ACTN4: variants seen among roughly 807,000 people sequenced by gnomAD.
ACTN4 encodes the protein actinin alpha 4.
ACTN4 carries 18 observed loss-of-function variants against 114.2 expected under a neutral mutation model. The ratio of observed to expected loss-of-function variants is 0.16; its 90% confidence interval spans 0.11 to 0.23. The LOEUF (loss-of-function observed/expected upper bound fraction) is 0.23. Ranked by LOEUF, ACTN4 falls within the 10% of genes least tolerant of loss-of-function variation. ACTN4 has a pLI of 1.00. For synonymous variants in ACTN4, 515 were observed against 506.3 expected, an observed-to-expected ratio of 1.02 and a Z score of -0.23; for missense variants, 722 against 1,262.9, an observed-to-expected ratio of 0.57 and a Z score of 6.49.
chr19:38,708,087 C>T (rs777409373), intron 5 of ACTN4, 30 bp from the exon 6 acceptor site: 1 of 1,612,210 alleles, frequency 6.2e-7, no homozygotes, highest in Admixed American at 1.7e-5. Flanking sequence ...TGAGCGGGCC[C>T]TCCTATAACC....
At position 38,720,750 on chromosome 19, in the gene ACTN4, C is replaced by T. The variant is rs1339174625; in HGVS notation, c.1292-788C>T. 3.9e-5 allele frequency among the ~76,000 whole-genome samples: 6 copies of T among 152,338 alleles called. No individual in the cohort carries two copies. The East Asian group carries it at 5.8e-4, about 15-fold the overall frequency. On this transcript the variant is annotated intron_variant, in intron 11 of 20. Coordinates refer to ENST00000252699, the MANE Select transcript of ACTN4 (RefSeq NM_004924.6). ...GAGAGGCCTCGGTGGCTGCACTGGG[C>T]GGGCAGCTGTCAGGTGCTGGGACAG...
At chr19:38,698,537 G>T (rs963018213) in intron 1 of ACTN4, among the ~76,000 whole-genome samples, 4 of 152,240 alleles carry the variant, frequency 2.6e-5, no homozygotes, top group Non-Finnish European at 4.4e-5. Context: ...GCGTGATGTG[G>T]TCTGCAGGGA....
Position 38,727,922 on chromosome 19 carries a change from C to T in ACTN4, c.2338-24C>T, listed in dbSNP as rs1194771738. 15 of 1,611,314 alleles carry T rather than the reference C, an allele frequency of 9.3e-6. No homozygotes were observed. Among genetic ancestry groups the T allele is most frequent in the African/African-American group, 1.3e-5 (1 of 74,886 alleles). ...GTCTCCACGCCGCCCCTCCCGCACA[C>T]CTGCCTTCGGATGGCCCCGGCAGGA... On this transcript the variant is annotated intron_variant, in intron 18 of 20. Transcript: ENST00000252699. The surrounding 1 kb of genome is among the most constrained non-coding windows in gnomAD (Gnocchi z 5.4).
chr19:38,729,079 C>T lies in ACTN4; in HGVS notation c.2502C>T (p.Phe834=), dbSNP rs763804143. The T allele has an allele frequency of 1.9e-6, 3 of 1,613,432 alleles. No homozygotes were observed. The highest frequency in any genetic ancestry group is 1.7e-5 in the Admixed American group (1 of 60,024). ...TGACCTTCCAAGCCTTCATCGACTT[C>T]ATGTCGCGGGAGACCACCGACACGG... ...GLVTFQAFID[F]MSRETTDTDT... is the part of the protein sequence containing the mutation. Residue 834 remains phenylalanine, a synonymous_variant, in exon 20 of 21, where the codon TTC becomes TTT. Transcript: ENST00000252699.
In ACTN4 at chr19:38,718,136, A is replaced by G. The variant is rs1422118953; in HGVS notation, c.1291+62A>G. On this transcript the variant is annotated intron_variant, in intron 11 of 20. Transcript: ENST00000252699. ...CTCCCGTGCTCCCCTCCTGTCTCTC[A>G]GGCATGCATGGGTGTGCACACACAG... 9 of 1,560,056 alleles carry G rather than the reference A, an allele frequency of 5.8e-6. No individual in the cohort carries two copies. The African/African-American group carries it at 9.5e-5, about 16-fold the overall frequency.
intron 8 of ACTN4, among the ~76,000 whole-genome samples, chr19:38,713,712 C>T (rs1968743813): frequency 6.6e-6 from 1 of 152,160 alleles, no homozygotes; most frequent in Admixed American, 6.5e-5. Context: ...TCTGTAGACC[C>T]TCCTCACTCT....
intron 1 of ACTN4, chr19:38,648,303 G>T: frequency 5.8e-6 from 1 of 172,666 alleles, no homozygotes; most frequent in Non-Finnish European, 1.2e-5. Context: ...AATCAGGGGA[G>T]GCTGAGAAGG....
In ACTN4 at chr19:38,703,132, C is replaced by T. The variant is rs141024404; in HGVS notation, c.398-1802C>T. 2.6e-3 allele frequency among the ~76,000 whole-genome samples: 397 copies of T among 152,204 alleles called. 2 individuals are homozygous for T. Among genetic ancestry groups the T allele is most frequent in the Admixed American group, 7.3e-3 (111 of 15,290 alleles). On this transcript the variant is annotated intron_variant, in intron 3 of 20. Transcript: ENST00000252699. ...GAGGCACTGCCTTCTCTCACCCAGC[C>T]GCAGACACACAGCTGTCCTGGGCCT...
At chr19:38,649,778 G>A (rs1004588741) in intron 1 of ACTN4, among the ~76,000 whole-genome samples, 2 of 152,170 alleles carry the variant, frequency 1.3e-5, no homozygotes, top group Admixed American at 6.5e-5. Context: ...AGGCTGGAGG[G>A]GAAAGGGTGG....
chr19:38,705,717 G>A (rs1968436637), intron 4 of ACTN4, among the ~76,000 whole-genome samples: 1 of 152,234 alleles, frequency 6.6e-6, no homozygotes, highest in Non-Finnish European at 1.5e-5. Flanking sequence ...GTGGTGAAAG[G>A]CACAGGCTTG....
In ACTN4 at chr19:38,647,849, A is replaced by G; in HGVS notation, c.104A>G (p.Glu35Gly). 1 of 1,549,518 alleles carries G rather than the reference A, an allele frequency of 6.5e-7. No homozygotes were observed. Among genetic ancestry groups the G allele is most frequent in the Admixed American group, 1.9e-5 (1 of 52,132 alleles). ...AGCATGGGCGACTACATGGCCCAGG[A>G]GGACGACTGGGACCGGGACCTGCTG... ...GGSMGDYMAQ[E>G]DDWDRDLLLD... The change falls in exon 1 of 21, where the codon GAG becomes GGG. Residue 35 changes from glutamate to glycine, a missense_variant. Physicochemically the swap from Glu to Gly is moderately conservative, Grantham distance 98. Coordinates refer to ENST00000252699, the MANE Select transcript of ACTN4 (RefSeq NM_004924.6).
intron 19 of ACTN4, chr19:38,728,302 C>T (rs1194517919): frequency 2.0e-6 from 3 of 1,521,274 alleles, no homozygotes; most frequent in South Asian, 1.2e-5. Context: ...GCTATGCCTG[C>T]GTCCTCGGAG....
intron 3 of ACTN4, among the ~76,000 whole-genome samples, chr19:38,702,396 G>A (rs754107366): frequency 6.6e-6 from 1 of 152,144 alleles, no homozygotes; most frequent in East Asian, 1.9e-4. Flanking sequence ...GGGCATTCGC[G>A]GGAGCATTGG....
intron 1 of ACTN4, among the ~76,000 whole-genome samples, chr19:38,677,358 A>G (rs1328300444): frequency 7.6e-6 from 1 of 131,930 alleles, no homozygotes; most frequent in Non-Finnish European, 1.8e-5. Flanking sequence ...GTATTGAATG[A>G]ATAGATAGCC....
At chr19:38,721,716 C>T in intron 12 of ACTN4, 28 bp downstream of exon 12, 1 of 1,608,930 alleles carries the variant, frequency 6.2e-7, no homozygotes, top group Non-Finnish European at 8.5e-7. Flanking sequence ...ACACTATCAT[C>T]ACCTGGCTCT....
chr19:38,680,418 G>T (rs1967527697), intron 1 of ACTN4, among the ~76,000 whole-genome samples: 1 of 151,968 alleles, frequency 6.6e-6, no homozygotes, highest in Non-Finnish European at 1.5e-5. Context: ...GACTGCAAGT[G>T]ATCTGGCCGC....
chr19:38,727,199 A>T lies in ACTN4; in HGVS notation c.2337+96A>T. On this transcript the variant is annotated intron_variant, in intron 18 of 20. Transcript: ENST00000252699. The surrounding 1 kb of genome is among the most constrained non-coding windows in gnomAD (Gnocchi z 5.4). ...GCATCTGTTCGTCCATTCCCATCAC[A>T]GTTGCTGAGCGTCGGCCGCCACTCC... The T allele has an allele frequency of 1.3e-6, 2 of 1,574,000 alleles. No homozygotes were observed. Among genetic ancestry groups the T allele is most frequent in the Middle Eastern group, 1.7e-4 (1 of 5,982 alleles).
At chr19:38,710,135 C>T (rs1968593304) in intron 7 of ACTN4, 122 bp from the exon 8 acceptor site, 7 of 994,894 alleles carry the variant, frequency 7.0e-6, no homozygotes, top group African/African-American at 6.3e-5. Context: ...ACCCAAGTCA[C>T]GCGTCACTCT....
At chr19:38,703,599 C>G (rs1968356819) in intron 3 of ACTN4, among the ~76,000 whole-genome samples, 1 of 152,156 alleles carries the variant, frequency 6.6e-6, no homozygotes, top group Non-Finnish European at 1.5e-5. Context: ...CAGGCCCGTG[C>G]TCTCCCCTTC....
Sources: gnomAD v4.1 joint callset for allele counts (sites outside exome capture counted in the v4.1 genomes callset) on GRCh38, gnomAD v4.1.1 for gene constraint, Gnocchi (gnomAD v3.1) non-coding constraint, MANE v1.5 for transcripts, NCBI Gene and HGNC (gene_info 2026-07-23, HGNC 2026-07-21) for gene names.